Variants in CLRN3 observed in about 807,000 individuals in gnomAD.
CLRN3 encodes the protein clarin-3.
CLRN3 carries 12 observed loss-of-function variants against 16.7 expected under a neutral mutation model. The observed-to-expected ratio is 0.72, with a 90% CI of 0.46 to 1.16. The LOEUF (loss-of-function observed/expected upper bound fraction) is 1.16. CLRN3 is among the 50% of genes most tolerant of loss of function. The probability of loss-of-function intolerance (pLI) is 0.00; values close to 1 mark genes in which losing one functional copy is unlikely to be tolerated. For missense variants in CLRN3, 296 were observed against 274.2 expected (o/e 1.08, Z -0.56); for synonymous variants, 118 against 113.0 (o/e 1.04, Z -0.28).
At position 127,878,270 on chromosome 10, in the gene CLRN3, A is replaced by G. The variant is rs908951931; in HGVS notation, c.560T>C (p.Val187Ala). The G allele has an allele frequency of 1.2e-6, 2 of 1,614,098 alleles. No homozygotes were observed. Among genetic ancestry groups the G allele is most frequent in the Middle Eastern group, 1.6e-4 (1 of 6,084 alleles). Residue 187 changes from valine to alanine, a missense_variant, in exon 3 of 3, where the codon GTC (valine) becomes GCC (alanine). Transcript: ENST00000368671. ...YGYSFWLILLVILLNIVTVTI... is the reference protein window; with the variant it reads ...YGYSFWLILLAILLNIVTVTI... ...TACAGTGACTATATTTAGAAGAATG[A>G]CGAGCAGTATGAGCCAGAACGAGTA... is the stretch of plus-strand genomic sequence containing the variant.
chr10:127,892,839 C>T lies in CLRN3; in HGVS notation c.-55G>A, dbSNP rs1564781264. On this transcript the variant is annotated 5_prime_UTR_variant, in exon 1 of 3. In the 5' UTR this introduces an upstream ATG that the reference lacks. Coordinates refer to ENST00000368671, the MANE Select transcript of CLRN3 (RefSeq NM_152311.5). The stretch of plus-strand genomic sequence containing the variant: ...AAAAAAGGAATATCTTCTTATAACA[C>T]TTTTGAACCTTATCTTTTGAAGTCT... The T allele has an allele frequency of 9.0e-6, 9 of 1,001,064 alleles. No individual in the cohort carries two copies. The highest frequency in any genetic ancestry group is 1.2e-5 in the Non-Finnish European group (8 of 643,842). 62.0% of individuals were successfully genotyped at this position (1,001,064 alleles called of 1,614,324 possible). A position where few individuals can be genotyped will look rare whatever the true frequency, so the allele number is the denominator to read the frequency against.
intron 1 of CLRN3, among the ~76,000 whole-genome samples, chr10:127,884,537 C>T (rs1362791862): frequency 3.3e-5 from 5 of 152,226 alleles, no homozygotes; most frequent in African/African-American, 9.7e-5. Flanking sequence ...ACGCTGGAGG[C>T]GGCTGGGAAT....
chr10:127,883,721 C>G lies in CLRN3; in HGVS notation c.384G>C (p.Gly128=). The part of the protein sequence containing the change: ...NPYQTFLGPT[G]VYTWNGLGAS... Reference sequence around the variant, plus strand: ...CACCGAGCCCGTTCCAGGTGTACACCCCCGTCGGCCCCAGGAATGTCTGGT... The same window carrying G: ...CACCGAGCCCGTTCCAGGTGTACACGCCCGTCGGCCCCAGGAATGTCTGGT... The change falls in exon 2 of 3, where the codon GGG becomes GGC. Residue 128 remains glycine (G), a synonymous_variant. Transcript: ENST00000368671. The G allele has an allele frequency of 6.2e-7, 1 of 1,613,654 alleles. No homozygotes were observed. Among genetic ancestry groups the G allele is most frequent in the Non-Finnish European group, 8.5e-7 (1 of 1,179,660 alleles).
rs1317602695 is a variant in CLRN3, at chr10:127,878,367, G to A, written c.463C>T (p.Gln155Ter). Residue 155 changes from glutamine to a stop codon, truncating the protein, a stop_gained, in exon 3 of 3, where the codon CAA becomes TAA. Transcript: ENST00000368671. LOFTEE classifies it low-confidence loss of function (END_TRUNC). Reference protein sequence around the residue: ...ILFVANTQSNQLSEELFQMLY... With the variant: ...ILFVANTQSN ...ATTTGGAACAACTCTTCGGAGAGTT[G>A]GTTGGACTGCGTGTTCGCCACAAAC... The A allele has an allele frequency of 6.2e-7, 1 of 1,614,188 alleles. No homozygotes were observed. Among genetic ancestry groups the A allele is most frequent in the Non-Finnish European group, 8.5e-7 (1 of 1,180,052 alleles).
At position 127,892,578 on chromosome 10, in the gene CLRN3, T is replaced by C; in HGVS notation, c.207A>G (p.Ala69=). 1 of 1,600,726 alleles carries C rather than the reference T, an allele frequency of 6.2e-7. No individual in the cohort carries two copies. The highest frequency in any genetic ancestry group is 8.6e-7 in the Non-Finnish European group (1 of 1,167,632). Reference sequence around the variant, plus strand: ...TACCTGCAAACTTTTTCTTTGGTTCTGCAAGTCCGTGACTCAATTCTTCAC... The same window carrying C: ...TACCTGCAAACTTTTTCTTTGGTTCCGCAAGTCCGTGACTCAATTCTTCAC... ...ESSEELSHGL[A]EPKKKFAVLE... Residue 69 remains alanine, a synonymous_variant, in exon 1 of 3, where the codon GCA becomes GCG. Transcript: ENST00000368671.
intron 2 of CLRN3, among the ~76,000 whole-genome samples, 174 bp downstream of exon 2, chr10:127,883,522 C>T (rs1302469556): frequency 6.6e-6 from 1 of 152,196 alleles, no homozygotes; most frequent in Non-Finnish European, 1.5e-5. Context: ...AGAGATGCTT[C>T]ATAAACACTT....
At chr10:127,880,187 T>C (rs1025512575) in intron 2 of CLRN3, among the ~76,000 whole-genome samples, 4 of 152,226 alleles carry the variant, frequency 2.6e-5, no homozygotes, top group Non-Finnish European at 4.4e-5. Flanking sequence ...TCTTTCATTT[T>C]CCTCTTGTGA....
intron 2 of CLRN3, among the ~76,000 whole-genome samples, chr10:127,881,414 G>GT (rs1184959948): frequency 6.6e-6 from 1 of 152,232 alleles, no homozygotes; most frequent in African/African-American, 2.4e-5. Context: ...CCACAGCCTA[G>GT]TGGCAAAGGC....
In CLRN3 at chr10:127,878,380, G is replaced by A. The variant is rs1484047717; in HGVS notation, c.450C>T (p.Asn150=). ...VFVTMILFVA[N]TQSNQLSEEL... ...CTTCGGAGAGTTGGTTGGACTGCGT[G>A]TTCGCCACAAACAGTATCATGGTCA... Residue 150 remains asparagine, a synonymous_variant, in exon 3 of 3, where the codon AAC becomes AAT. Transcript: ENST00000368671. The A allele has an allele frequency of 1.2e-6, 2 of 1,614,100 alleles. No homozygotes were observed. Among genetic ancestry groups the A allele is most frequent in the South Asian group, 2.2e-5 (2 of 91,094 alleles).
At chr10:127,880,769 C>T (rs1845118900) in intron 2 of CLRN3, among the ~76,000 whole-genome samples, 1 of 152,118 alleles carries the variant, frequency 6.6e-6, no homozygotes, top group South Asian at 2.1e-4. Flanking sequence ...CCACTTCCTT[C>T]CCTACCCAAC....
At position 127,883,702 on chromosome 10, in the gene CLRN3, G is replaced by A. The variant is rs746347338; in HGVS notation, c.403C>T (p.Leu135Phe). The A allele has an allele frequency of 2.5e-6, 4 of 1,611,364 alleles. No homozygotes were observed. The highest frequency in any genetic ancestry group is 2.2e-5 in the East Asian group (1 of 44,848). The change falls in exon 2 of 3, where the codon CTC becomes TTC. Residue 135 changes from leucine (L) to phenylalanine (F), a missense_variant. Physicochemically the swap from Leu to Phe is conservative, Grantham distance 22. Coordinates refer to ENST00000368671, the MANE Select transcript of CLRN3 (RefSeq NM_152311.5). ...GTCTCACAGGGCCACTCACCACCGA[G>A]CCCGTTCCAGGTGTACACCCCCGTC... ...GPTGVYTWNG[L>F]GASFVFVTMI...
intron 1 of CLRN3, among the ~76,000 whole-genome samples, chr10:127,884,732 T>C (rs1246131671): frequency 6.6e-6 from 1 of 152,244 alleles, no homozygotes; most frequent in Non-Finnish European, 1.5e-5. Context: ...TTTCTCAGGC[T>C]TCTGACTGCC....
intron 1 of CLRN3, among the ~76,000 whole-genome samples, chr10:127,884,522 C>G (rs752075901): frequency 2.0e-5 from 3 of 152,250 alleles, no homozygotes; most frequent in Non-Finnish European, 4.4e-5. Context: ...GCCCAGAGGG[C>G]TCCAACGCTG....
intron 1 of CLRN3, among the ~76,000 whole-genome samples, chr10:127,886,605 G>A (rs1428846536): frequency 3.3e-5 from 5 of 152,218 alleles, no homozygotes; most frequent in Admixed American, 2.0e-4. Context: ...GGCAGGAGGA[G>A]GGCAATGTGG....
At chr10:127,884,447 T>C (rs2135081068) in intron 1 of CLRN3, among the ~76,000 whole-genome samples, 1 of 152,320 alleles carries the variant, frequency 6.6e-6, no homozygotes, top group Non-Finnish European at 1.5e-5. Context: ...TGACTTCTGT[T>C]GGTGCAAATC....
At chr10:127,892,338 G>C (rs73374364) in intron 1 of CLRN3, among the ~76,000 whole-genome samples, 2,809 of 152,276 alleles carry the variant, frequency 0.018, 79 homozygotes, top group African/African-American at 0.064. Flanking sequence ...GCCACTGCTA[G>C]AATGATATAG....
At chr10:127,881,910 G>A (rs1287682511) in intron 2 of CLRN3, among the ~76,000 whole-genome samples, 5 of 152,204 alleles carry the variant, frequency 3.3e-5, no homozygotes, top group Non-Finnish European at 7.3e-5. Flanking sequence ...GACACAGGCC[G>A]AGACCTTGAC....
At chr10:127,890,367 G>A (rs190073374) in intron 1 of CLRN3, among the ~76,000 whole-genome samples, 2 of 152,284 alleles carry the variant, frequency 1.3e-5, no homozygotes, top group Admixed American at 1.3e-4. Context: ...CAGGTCTGAA[G>A]GACGATTTTC....
intron 2 of CLRN3, among the ~76,000 whole-genome samples, chr10:127,883,299 TGTGTGCATGC>T (rs1845151865): frequency 1.3e-5 from 2 of 152,138 alleles, no homozygotes; most frequent in Non-Finnish European, 2.9e-5. Context: ...TGCACATGTG[TGTGTGCATGC>T]GTGTGCATGT....
Sources: allele counts gnomAD v4.1 joint callset (sites outside exome capture counted in the v4.1 genomes callset), GRCh38; gene constraint gnomAD v4.1.1; transcripts MANE v1.5; gene names NCBI Gene and HGNC (gene_info 2026-07-23, HGNC 2026-07-21).